The following TUBGCP5 variants were observed in gnomAD, a reference collection of about 807,000 sequenced individuals.
TUBGCP5 encodes the protein tubulin gamma complex component 5, also known as gamma-tubulin complex component 5.
TUBGCP5 carries 98 observed loss-of-function variants against 134.7 expected under a neutral mutation model. That is an observed-to-expected ratio of 0.73 (90% confidence interval 0.62 to 0.86). The LOEUF is 0.86. Ranked by LOEUF, TUBGCP5 falls within the 40% of genes least tolerant of loss-of-function variation. The probability of loss-of-function intolerance (pLI) is 0.00; values close to 1 mark genes in which losing one functional copy is unlikely to be tolerated. For synonymous variants in TUBGCP5, 456 were observed against 431.4 expected, an observed-to-expected ratio of 1.06 and a Z score of -0.71; for missense variants, 1,150 against 1,244.8, an observed-to-expected ratio of 0.92 and a Z score of 1.15.
chr15:23,027,930 A>G (rs1398606746), intron 6 of TUBGCP5, among the ~76,000 whole-genome samples: 1 of 152,118 alleles, frequency 6.6e-6, no homozygotes, highest in East Asian at 1.9e-4. Context: ...GACCTTCCCA[A>G]CCACTACGGA....
At chr15:23,020,199 G>A (rs1485733192) in intron 11 of TUBGCP5, among the ~76,000 whole-genome samples, 4 of 151,904 alleles carry the variant, frequency 2.6e-5, no homozygotes, top group Non-Finnish European at 5.9e-5. Flanking sequence ...AGGAGGTCAG[G>A]AGCTCGAGAC....
intron 21 of TUBGCP5, 54 bp downstream of exon 21, chr15:23,003,011 G>A: frequency 6.4e-7 from 1 of 1,574,412 alleles, no homozygotes; most frequent in Non-Finnish European, 8.7e-7. Flanking sequence ...AAAAAAAAGG[G>A]AAGCTGAAGC....
At chr15:22,988,443 G>GT (rs2063743890) in intron 23 of TUBGCP5, among the ~76,000 whole-genome samples, 1 of 151,668 alleles carries the variant, frequency 6.6e-6, no homozygotes, top group Non-Finnish European at 1.5e-5. Flanking sequence ...ATTAATATCT[G>GT]GTTTTTTTGG....
In TUBGCP5 at chr15:23,019,301, C is replaced by T; in HGVS notation, c.1405G>A (p.Val469Met). 6.2e-7 allele frequency: 1 copy of T among 1,613,968 alleles called. No individual in the cohort carries two copies. The highest frequency in any genetic ancestry group is 8.5e-7 in the Non-Finnish European group (1 of 1,179,946). Residue 469 changes from valine (V) to methionine (M), a missense_variant, in exon 12 of 23, where the codon GTG becomes ATG. Transcript: ENST00000615383. ...SLLFSLWVET[V>M]RPYLQTVDEW... ...TCCACCGTCTGCAGGTAAGGCCGCA[C>T]CGTTTCCACCCAGAGAGAGAAAAGG... is the stretch of plus-strand genomic sequence containing the variant.
intron 13 of TUBGCP5, among the ~76,000 whole-genome samples, chr15:23,016,969 G>GATATGTGTATATATATATAT (rs1555439436): frequency 3.7e-5 from 4 of 109,436 alleles, no homozygotes; most frequent in African/African-American, 1.4e-4. Flanking sequence ...AAAATTGTGA[G>GATATGTGTATATATATATAT]ATATATATAT....
rs1024289688 is a variant in TUBGCP5 at position 23,013,315 on chromosome 15, C to T, written c.1757-1984G>A. Among the ~76,000 whole-genome samples, 3 of 151,770 alleles carry T rather than the reference C, an allele frequency of 2.0e-5. No homozygotes were observed. The highest frequency in any genetic ancestry group is 2.9e-5 in the Non-Finnish European group (2 of 67,942). ...AAAATACAAAAAAATTAGCCGGGCA[C>T]GGTGGTGTGCGCCTGTAGTCCCAGC... On this transcript the variant is annotated intron_variant, in intron 13 of 22. Coordinates refer to ENST00000615383, the MANE Select transcript of TUBGCP5 (RefSeq NM_052903.6). This position sits in a 1 kb window ranked among gnomAD's most constrained non-coding sequence, Gnocchi z 4.5.
rs556138372 is a variant in TUBGCP5, at chr15:23,001,658, T to TTC, written c.2928-990_2928-989insGA. Among the ~76,000 whole-genome samples the TTC allele has an allele frequency of 5.9e-3, 896 of 151,948 alleles. 4 individuals carry two copies. Among genetic ancestry groups the TTC allele is most frequent in the African/African-American group, 0.02 (844 of 41,464 alleles). On this transcript the variant is annotated intron_variant, in intron 21 of 22. Coordinates refer to ENST00000615383, the MANE Select transcript of TUBGCP5 (RefSeq NM_052903.6). ...GTGCTCGGCTTTCTTTCTTTCTTTT[T>TTC]TTTTTTTTTAAAGAAATATCAAACA...
At chr15:22,991,121 C>CG (rs1165662047) in intron 23 of TUBGCP5, among the ~76,000 whole-genome samples, 1 of 149,912 alleles carries the variant, frequency 6.7e-6, no homozygotes, top group Non-Finnish European at 1.5e-5. Flanking sequence ...TTTTTTGAGA[C>CG]GGAGTCTCGC....
At position 23,036,946 on chromosome 15, in the gene TUBGCP5, A is replaced by G. The variant is rs762657607; in HGVS notation, c.260T>C (p.Leu87Ser). The change falls in exon 3 of 23, where the codon TTA (leucine) becomes TCA (serine). Residue 87 changes from leucine (L) to serine (S), a missense_variant. By Grantham distance (145) the Leu-to-Ser change is moderately radical. Coordinates refer to ENST00000615383, the MANE Select transcript of TUBGCP5 (RefSeq NM_052903.6). ...TGGTGCATTTAGAAATTCCTCCGTT[A>G]ATCTCTTCCAACTAGCAGCTTTGCT... ...DLSKAASWKR[L>S]TEEFLNAPLP... 6.2e-7 allele frequency: 1 copy of G among 1,612,880 alleles called. No homozygotes were observed. The highest frequency in any genetic ancestry group is 1.1e-5 in the South Asian group (1 of 90,660).
chr15:23,007,032 G>C (rs569758515), intron 16 of TUBGCP5, among the ~76,000 whole-genome samples: 118 of 152,264 alleles, frequency 7.7e-4, no homozygotes, highest in African/African-American at 2.8e-3. Flanking sequence ...GTTTAAAGTG[G>C]GGAGTTAACT....
chr15:23,032,675 A>T (rs1403228722), intron 4 of TUBGCP5, 53 bp downstream of exon 4: 1 of 1,268,456 alleles, frequency 7.9e-7, no homozygotes, highest in East Asian at 2.6e-5. Context: ...GCAACTAAGT[A>T]ATCAAACAAT....
rs377674193 is a variant in TUBGCP5 at position 23,004,165 on chromosome 15, T to C, written c.2775A>G (p.Gln925=). ...GATACCTATAGTGAATTTTAATCAA[T>C]TGATCTAAATCCTTGGCTTCCTCGA... ...HQVEEAKDLD[Q]LIKIHYRYLS... is the part of the protein sequence containing the mutation. Residue 925 remains glutamine (Q), a synonymous_variant, in exon 20 of 23, where the codon CAA becomes CAG. Transcript: ENST00000615383. 4.0e-5 allele frequency: 65 copies of C among 1,613,272 alleles called. No homozygotes were observed. The highest frequency in any genetic ancestry group is 6.7e-5 in the Admixed American group (4 of 59,866).
At chr15:23,011,886 C>G (rs369452292) in intron 13 of TUBGCP5, among the ~76,000 whole-genome samples, 2 of 149,208 alleles carry the variant, frequency 1.3e-5, no homozygotes, top group Non-Finnish European at 3.0e-5. Context: ...GAGGCTGAGG[C>G]GGGTGGATCA....
At chr15:22,989,440 G>A (rs1202390475) in intron 23 of TUBGCP5, among the ~76,000 whole-genome samples, 1 of 149,912 alleles carries the variant, frequency 6.7e-6, no homozygotes, top group African/African-American at 2.5e-5. Context: ...AGCCTCACTA[G>A]GTTGACACAA....
chr15:23,018,206 G>C (rs2065453904), intron 12 of TUBGCP5, among the ~76,000 whole-genome samples, 165 bp from the exon 13 acceptor site: 1 of 152,142 alleles, frequency 6.6e-6, no homozygotes, highest in Non-Finnish European at 1.5e-5. Context: ...TCAGTTTAAA[G>C]AGAAAAGTGA....
At chr15:23,030,814 T>C (rs1484475958) in intron 6 of TUBGCP5, 71 bp downstream of exon 6, 13 of 1,569,516 alleles carry the variant, frequency 8.3e-6, no homozygotes, top group Non-Finnish European at 1.1e-5. Flanking sequence ...ATGGAACTGA[T>C]CTCAAAGTTT....
intron 16 of TUBGCP5, among the ~76,000 whole-genome samples, chr15:23,007,822 GAGTGGTGGA>G (rs1348259423): frequency 2.0e-5 from 3 of 152,216 alleles, no homozygotes; most frequent in Admixed American, 2.0e-4. Flanking sequence ...GCATAGGGAT[GAGTGGTGGA>G]AGTCACTGCT....
At chr15:22,994,299 A>G (rs1383698789), downstream of TUBGCP5, among the ~76,000 whole-genome samples, 2 of 151,850 alleles carry the variant, frequency 1.3e-5, no homozygotes, top group Non-Finnish European at 2.9e-5. Flanking sequence ...CATATTGGCC[A>G]GGTTGGTCTT....
chr15:23,024,035 GGTT>G lies in TUBGCP5; in HGVS notation c.1077_1079del (p.Arg359_Thr360delinsSer), dbSNP rs777338059. The G allele has an allele frequency of 6.2e-7, 1 of 1,614,106 alleles. No homozygotes were observed. Among genetic ancestry groups the G allele is most frequent in the South Asian group, 1.1e-5 (1 of 91,086 alleles). On this transcript the variant is annotated inframe_deletion, in exon 10 of 23. Transcript: ENST00000615383. The stretch of plus-strand genomic sequence containing the variant: ...ACAGGGCCCACATGAAAGCCTGGTA[GGTT>G]CTAAAGGGAGCTTCAGTTGACTTCT...
Sources: allele counts gnomAD v4.1 joint callset (sites outside exome capture counted in the v4.1 genomes callset), GRCh38; gene constraint gnomAD v4.1.1; non-coding constraint Gnocchi (gnomAD v3.1); transcripts MANE v1.5; gene names NCBI Gene and HGNC (gene_info 2026-07-23, HGNC 2026-07-21).